The following PPFIA2 variants were observed in gnomAD, a reference collection of about 807,000 sequenced individuals.
The protein encoded by PPFIA2 is PPFI scaffold protein A2.
Under a neutral mutation model 175.5 loss-of-function variants are expected in PPFIA2, and 46 were observed. The ratio of observed to expected loss-of-function variants is 0.26; its 90% CI spans 0.21 to 0.34. PPFIA2 has a LOEUF of 0.34. Among genes scored for constraint, PPFIA2 ranks in the 10% least tolerant of loss-of-function variants. The probability of loss-of-function intolerance (pLI) is 1.00; values close to 1 mark genes in which losing one functional copy is unlikely to be tolerated. For synonymous variants in PPFIA2, 568 were observed against 511.4 expected, an observed-to-expected ratio of 1.11 and a Z score of -1.49; for missense variants, 1,179 against 1,506.1, an observed-to-expected ratio of 0.78 and a Z score of 3.60.
intron 3 of PPFIA2, among the ~76,000 whole-genome samples, chr12:81,693,176 G>T (rs535510127): frequency 3.2e-4 from 48 of 152,198 alleles, no homozygotes; most frequent in African/African-American, 1.2e-3. Context: ...ATTATAAAGT[G>T]TATAAGAGAT....
Position 81,688,802 on chromosome 12 carries a change from A to AATATATATATATATAT in PPFIA2, c.250-11974_250-11959dup, listed in dbSNP as rs3075480. ...CAAAAACAGGGCAAGTGGTTTATTA[A>AATATATATATATATAT]ATATATATATATATATATATATCTG... On this transcript the variant is annotated intron_variant, in intron 3 of 32. Transcript: ENST00000549396. 5.4e-3 allele frequency among the ~76,000 whole-genome samples: 753 copies of AATATATATATATATAT among 140,676 alleles called. 4 individuals are homozygous for AATATATATATATATAT. Among genetic ancestry groups the AATATATATATATATAT allele is most frequent in the Non-Finnish European group, 7.5e-3 (485 of 64,896 alleles). The allele number at this position is 140,676 out of a possible 152,430, so 92.3% of individuals were successfully genotyped here.
chr12:81,731,300 T>C (rs2080873083), intron 3 of PPFIA2, among the ~76,000 whole-genome samples: 1 of 151,722 alleles, frequency 6.6e-6, no homozygotes, highest in Admixed American at 6.6e-5. Flanking sequence ...AATGTAACTT[T>C]CCAGTGTTTT....
intron 4 of PPFIA2, among the ~76,000 whole-genome samples, chr12:81,607,327 A>C (rs1337106138): frequency 6.6e-6 from 1 of 152,108 alleles, no homozygotes; most frequent in Admixed American, 6.6e-5. Context: ...AGTTTTCTCT[A>C]ATTCTGTGAA....
At chr12:81,734,403 G>A (rs910752538) in intron 3 of PPFIA2, among the ~76,000 whole-genome samples, 2 of 151,804 alleles carry the variant, frequency 1.3e-5, no homozygotes, top group Non-Finnish European at 2.9e-5. Context: ...TGTATTTTAA[G>A]TTATGTGACA....
At chr12:81,620,432 CT>C (rs139568071) in intron 4 of PPFIA2, among the ~76,000 whole-genome samples, 16 of 150,846 alleles carry the variant, frequency 1.1e-4, no homozygotes, top group African/African-American at 2.7e-4. Context: ...TTTAATGCAT[CT>C]TTTTTTTTGT....
chr12:81,316,780 G>A (rs908312523), intron 22 of PPFIA2, among the ~76,000 whole-genome samples: 1 of 151,360 alleles, frequency 6.6e-6, no homozygotes, highest in Admixed American at 6.6e-5. Context: ...AAGAGACTGG[G>A]GAATTCTTCA....
At chr12:81,569,131 C>G (rs1047135226) in intron 4 of PPFIA2, among the ~76,000 whole-genome samples, 3 of 151,992 alleles carry the variant, frequency 2.0e-5, no homozygotes, top group Admixed American at 1.3e-4. Flanking sequence ...AATAATATTG[C>G]TGAAAATTTA....
chr12:81,729,046 C>T (rs990959907), intron 3 of PPFIA2, among the ~76,000 whole-genome samples: 4 of 151,272 alleles, frequency 2.6e-5, no homozygotes, highest in Admixed American at 6.6e-5. Context: ...ACTTTCATTA[C>T]GAAATATCAA....
chr12:81,632,800 A>C (rs1210189827), intron 4 of PPFIA2, among the ~76,000 whole-genome samples: 15 of 152,072 alleles, frequency 9.9e-5, no homozygotes, highest in Admixed American at 9.8e-4. Flanking sequence ...TTTAACTGGC[A>C]AAAGCAATCT....
At chr12:81,505,485 G>C (rs1157112812) in intron 4 of PPFIA2, among the ~76,000 whole-genome samples, 1 of 152,004 alleles carries the variant, frequency 6.6e-6, no homozygotes, top group Admixed American at 6.6e-5. Flanking sequence ...GATGGTTTTT[G>C]TTTGGTGTTT....
chr12:81,366,161 C>A (rs977066922), intron 14 of PPFIA2, among the ~76,000 whole-genome samples: 1 of 149,908 alleles, frequency 6.7e-6, no homozygotes, highest in African/African-American at 2.4e-5. Flanking sequence ...TCTCAACATA[C>A]AGTTATAGAT....
intron 8 of PPFIA2, among the ~76,000 whole-genome samples, chr12:81,405,357 T>C (rs896203237): frequency 6.6e-6 from 1 of 152,124 alleles, no homozygotes; most frequent in Admixed American, 6.5e-5. Context: ...AAGTTACCAA[T>C]TGTATATTAT....
intron 3 of PPFIA2, among the ~76,000 whole-genome samples, chr12:81,707,536 G>A (rs1201693856): frequency 6.6e-6 from 1 of 150,606 alleles, no homozygotes; most frequent in Non-Finnish European, 1.5e-5. Context: ...GTGCTGGAGA[G>A]GATGTGGAGA....
At chr12:81,381,186 A>G (rs147895183) in intron 9 of PPFIA2, among the ~76,000 whole-genome samples, 13 of 152,216 alleles carry the variant, frequency 8.5e-5, no homozygotes, top group African/African-American at 3.1e-4. Context: ...GATGAGAGAT[A>G]TTCCTTTCTC....
At chr12:81,345,165 A>C (rs972734502) in intron 18 of PPFIA2, among the ~76,000 whole-genome samples, 1 of 152,050 alleles carries the variant, frequency 6.6e-6, no homozygotes, top group African/African-American at 2.4e-5. Flanking sequence ...TTCCTGTGGG[A>C]TCTCAAAATT....
chr12:81,502,969 CTA>C (rs1469801776), intron 4 of PPFIA2, among the ~76,000 whole-genome samples: 15 of 152,176 alleles, frequency 9.9e-5, no homozygotes, highest in African/African-American at 2.9e-4. Flanking sequence ...AGCCGTATGT[CTA>C]TGGAAATTTT....
At chr12:81,633,288 C>A (rs958591764) in intron 4 of PPFIA2, among the ~76,000 whole-genome samples, 29 of 152,162 alleles carry the variant, frequency 1.9e-4, no homozygotes, top group African/African-American at 6.7e-4. Flanking sequence ...GAGTAGCCTG[C>A]AGAGAGGCTT....
At chr12:81,277,473 G>A in intron 27 of PPFIA2, 59 bp from the exon 28 acceptor site, 1 of 1,424,944 alleles carries the variant, frequency 7.0e-7, no homozygotes, top group Non-Finnish European at 9.1e-7. Context: ...GGTGGAGAAA[G>A]TTTTGTGATT....
chr12:81,327,305 T>C (rs1053650208), intron 21 of PPFIA2, among the ~76,000 whole-genome samples: 3 of 152,072 alleles, frequency 2.0e-5, no homozygotes, highest in Admixed American at 6.6e-5. Flanking sequence ...GGTACTTAAA[T>C]CTTTTTTTAT....
Sources: gnomAD v4.1 joint callset for allele counts (sites outside exome capture counted in the v4.1 genomes callset) on GRCh38, gnomAD v4.1.1 for gene constraint, MANE v1.5 for transcripts, NCBI Gene and HGNC (gene_info 2026-07-23, HGNC 2026-07-21) for gene names.